The following FOXP2 variants were observed in gnomAD, a reference collection of about 807,000 sequenced individuals.
FOXP2 encodes the protein forkhead box protein P2.
Under a neutral mutation model 115.8 loss-of-function variants are expected in FOXP2, and 12 were observed. The ratio of observed to expected loss-of-function variants is 0.10; its 90% CI spans 0.07 to 0.17. The LOEUF (loss-of-function observed/expected upper bound fraction) is 0.17, where lower values mean the gene tolerates loss of function less well. Among genes scored for constraint, FOXP2 ranks in the 10% least tolerant of loss-of-function variants. FOXP2 has a pLI of 1.00. For synonymous variants in FOXP2, 328 were observed against 297.7 expected, an observed-to-expected ratio of 1.10 and a Z score of -1.05; for missense variants, 629 against 843.5, an observed-to-expected ratio of 0.75 and a Z score of 3.15.
At chr7:114,599,363 T>C (rs568666838) in intron 3 of FOXP2, among the ~76,000 whole-genome samples, 1 of 152,306 alleles carries the variant, frequency 6.6e-6, no homozygotes, top group Non-Finnish European at 1.5e-5. Context: ...CATTGACTTA[T>C]ATTGATTTAT....
chr7:114,652,717 C>T (rs1806338937), intron 9 of FOXP2, among the ~76,000 whole-genome samples: 1 of 151,982 alleles, frequency 6.6e-6, no homozygotes, highest in African/African-American at 2.4e-5. Context: ...ATAACTAACA[C>T]CCTGAAAGAT....
intron 2 of FOXP2, among the ~76,000 whole-genome samples, chr7:114,507,462 A>G (rs966262428): frequency 1.3e-5 from 2 of 151,978 alleles, no homozygotes; most frequent in Non-Finnish European, 2.9e-5. Flanking sequence ...ATTGAACTTG[A>G]TCTTGGATCT....
chr7:114,574,360 A>C (rs1469966025), intron 3 of FOXP2, among the ~76,000 whole-genome samples: 1 of 151,826 alleles, frequency 6.6e-6, no homozygotes, highest in Non-Finnish European at 1.5e-5. Flanking sequence ...ATTGTTAGAG[A>C]ATACTTTTCA....
At chr7:114,148,775 T>C (rs946909365) in intron 1 of FOXP2, among the ~76,000 whole-genome samples, 1 of 152,196 alleles carries the variant, frequency 6.6e-6, no homozygotes, top group Non-Finnish European at 1.5e-5. Context: ...TGTTCCTTTT[T>C]CTTCATCAAT....
intron 1 of FOXP2, among the ~76,000 whole-genome samples, chr7:114,090,983 C>A (rs895727564): frequency 6.6e-6 from 1 of 151,426 alleles, no homozygotes; most frequent in Admixed American, 6.6e-5. Context: ...TTTTTTTTAG[C>A]CCAGCTTTGG....
chr7:114,225,817 C>A (rs1794732525), intron 1 of FOXP2, among the ~76,000 whole-genome samples: 1 of 152,114 alleles, frequency 6.6e-6, no homozygotes. Flanking sequence ...TTATATTATT[C>A]TTTTTTCCCA....
At chr7:114,564,165 C>T (rs1163456463) in intron 3 of FOXP2, among the ~76,000 whole-genome samples, 5 of 152,154 alleles carry the variant, frequency 3.3e-5, no homozygotes, top group Admixed American at 3.3e-4. Flanking sequence ...CAGCAGCTGG[C>T]CCCATTTATA....
At chr7:114,284,587 A>G (rs576771273) in intron 1 of FOXP2, among the ~76,000 whole-genome samples, 3 of 152,286 alleles carry the variant, frequency 2.0e-5, no homozygotes, top group Admixed American at 2.0e-4. Context: ...ATGGAAAAAA[A>G]GGAATGCTTA....
intron 2 of FOXP2, among the ~76,000 whole-genome samples, chr7:114,322,319 T>C (rs1797444957): frequency 6.7e-6 from 1 of 150,164 alleles, no homozygotes; most frequent in Admixed American, 6.6e-5. Flanking sequence ...CACCATACCC[T>C]GACAGATAAT....
chr7:114,401,161 G>C (rs1266594989), intron 2 of FOXP2, among the ~76,000 whole-genome samples: 2 of 152,048 alleles, frequency 1.3e-5, no homozygotes, highest in Non-Finnish European at 2.9e-5. Flanking sequence ...TTTTACAAGG[G>C]CTTGCACAGA....
chr7:114,563,028 A>G (rs901599085), intron 3 of FOXP2, among the ~76,000 whole-genome samples: 3 of 152,190 alleles, frequency 2.0e-5, no homozygotes, highest in South Asian at 2.1e-4. Context: ...CACATCTTAC[A>G]TAGCAGCAGG....
At chr7:114,327,380 A>G (rs995396213) in intron 2 of FOXP2, among the ~76,000 whole-genome samples, 42 of 152,232 alleles carry the variant, frequency 2.8e-4, no homozygotes, top group Non-Finnish European at 4.8e-4. Context: ...AATTTATTAA[A>G]TTTAGTCACC....
intron 1 of FOXP2, among the ~76,000 whole-genome samples, chr7:114,091,553 G>A (rs185181280): frequency 6.6e-6 from 1 of 151,720 alleles, no homozygotes; most frequent in African/African-American, 2.4e-5. Flanking sequence ...ACAGATATTT[G>A]CCTACCAGCC....
At chr7:114,537,308 A>G (rs1224377253) in intron 3 of FOXP2, among the ~76,000 whole-genome samples, 1 of 151,582 alleles carries the variant, frequency 6.6e-6, no homozygotes, top group Non-Finnish European at 1.5e-5. Flanking sequence ...AAGGCAAGAT[A>G]TTTGGTATTA....
intron 2 of FOXP2, among the ~76,000 whole-genome samples, chr7:114,469,575 T>C (rs139182212): frequency 6.6e-6 from 1 of 152,310 alleles, no homozygotes; most frequent in East Asian, 1.9e-4. Flanking sequence ...AACTTCTGTC[T>C]TTATCAGACA....
At chr7:114,645,129 A>T (rs1358446317) in intron 8 of FOXP2, 3 of 32,658 alleles carry the variant, frequency 9.2e-5, no homozygotes, top group East Asian at 1.6e-3. Flanking sequence ...GAGTCATCCT[A>T]ATATATATAT....
chr7:114,644,008 T>C (rs1805731619), intron 7 of FOXP2, among the ~76,000 whole-genome samples: 1 of 152,164 alleles, frequency 6.6e-6, no homozygotes, highest in Non-Finnish European at 1.5e-5. Flanking sequence ...CTTTTTCTTG[T>C]TTGGTTTTAT....
intron 2 of FOXP2, among the ~76,000 whole-genome samples, chr7:114,319,839 T>C (rs769868662): frequency 2.6e-5 from 4 of 152,236 alleles, no homozygotes; most frequent in Non-Finnish European, 4.4e-5. Context: ...TTTATTTGGA[T>C]TTATAATTGG....
chr7:114,166,665 A>G (rs919595835), intron 1 of FOXP2, among the ~76,000 whole-genome samples: 2 of 152,182 alleles, frequency 1.3e-5, no homozygotes, highest in African/African-American at 4.8e-5. Context: ...AGATTGCGCC[A>G]CTGCACTCCC....
Sources: gnomAD v4.1 joint callset for allele counts (sites outside exome capture counted in the v4.1 genomes callset) on GRCh38, gnomAD v4.1.1 for gene constraint, MANE v1.5 for transcripts, NCBI Gene and HGNC (gene_info 2026-07-23, HGNC 2026-07-21) for gene names.